Variants in WDR82 observed in about 807,000 individuals in gnomAD.
The protein encoded by WDR82 is WD repeat domain 82.
A neutral mutation model predicts 36.1 loss-of-function variants in WDR82; 8 were observed. The ratio of observed to expected loss-of-function variants is 0.22; its 90% confidence interval spans 0.13 to 0.40. WDR82 has a LOEUF of 0.40. Among genes scored for constraint, WDR82 ranks in the 10% least tolerant of loss-of-function variants. WDR82 has a pLI of 1.00. For missense variants in WDR82, 185 were observed against 400.5 expected (o/e 0.46, Z 4.59); for synonymous variants, 129 against 137.8 (o/e 0.94, Z 0.45).
At chr3:52,268,154 T>C (rs576511378) in intron 2 of WDR82, 2 of 304,658 alleles carry the variant, frequency 6.6e-6, no homozygotes, top group South Asian at 5.3e-5. Flanking sequence ...CTAGTTATTC[T>C]ACTGCTAACA....
chr3:52,259,070 C>T (rs1025386550), intron 7 of WDR82, 127 bp downstream of exon 7: 22 of 1,110,946 alleles, frequency 2.0e-5, no homozygotes, highest in Non-Finnish European at 2.9e-5. Context: ...ATGTCCTTGG[C>T]ATAATGTGCT....
chr3:52,266,929 C>A, intron 3 of WDR82, 23 bp downstream of exon 3: 1 of 1,595,542 alleles, frequency 6.3e-7, no homozygotes, highest in Non-Finnish European at 8.6e-7. Flanking sequence ...GAACTATCTG[C>A]TTCTATAATA....
At chr3:52,260,238 A>G (rs1292532456) in intron 5 of WDR82, 147 bp downstream of exon 5, 4 of 549,034 alleles carry the variant, frequency 7.3e-6, no homozygotes, top group Non-Finnish European at 9.4e-6. Context: ...CTGAGGCAGG[A>G]GAATCACTTG....
chr3:52,273,040 G>A (rs1033286258), intron 1 of WDR82, among the ~76,000 whole-genome samples: 1 of 152,248 alleles, frequency 6.6e-6, no homozygotes, highest in African/African-American at 2.4e-5. Flanking sequence ...CAGTGAGGCA[G>A]TCTCAGTGTG....
intron 1 of WDR82, among the ~76,000 whole-genome samples, chr3:52,272,499 G>A (rs889615547): frequency 6.2e-5 from 9 of 145,544 alleles, no homozygotes; most frequent in South Asian, 4.3e-4. Context: ...AGCTGAGATC[G>A]CGCCACTGCA....
chr3:52,266,827 T>C, intron 3 of WDR82, 125 bp downstream of exon 3: 6 of 771,886 alleles, frequency 7.8e-6, no homozygotes, highest in Non-Finnish European at 1.3e-5. Flanking sequence ...TAAGAGAAGA[T>C]GAAGAATGCC....
At chr3:52,275,819 G>A (rs1233284679) in intron 1 of WDR82, among the ~76,000 whole-genome samples, 1 of 152,180 alleles carries the variant, frequency 6.6e-6, no homozygotes, top group Non-Finnish European at 1.5e-5. Flanking sequence ...AGGAGCCGGA[G>A]GTTGCAGTGA....
intron 3 of WDR82, among the ~76,000 whole-genome samples, chr3:52,265,038 G>A (rs1470723887): frequency 2.0e-5 from 3 of 152,096 alleles, no homozygotes; most frequent in Non-Finnish European, 2.9e-5. Flanking sequence ...TCGGCCAGCC[G>A]GGTGCGGTGG....
chr3:52,259,011 G>T (rs1005033665), intron 7 of WDR82, among the ~76,000 whole-genome samples, 186 bp downstream of exon 7: 1 of 152,228 alleles, frequency 6.6e-6, no homozygotes, highest in South Asian at 2.1e-4. Context: ...GGTAGTGCTT[G>T]TGGAGTTTAA....
At chr3:52,261,558 A>G (rs1669494135) in intron 3 of WDR82, 79 bp from the exon 4 acceptor site, 2 of 1,224,690 alleles carry the variant, frequency 1.6e-6, no homozygotes, top group East Asian at 2.5e-5. Flanking sequence ...CACTCTGCCT[A>G]TCTATACATA....
chr3:52,259,185 A>C lies in WDR82; in HGVS notation c.769+12T>G, dbSNP rs1700038346. 1.2e-6 allele frequency: 2 copies of C among 1,613,416 alleles called. No homozygotes were observed. The highest frequency in any genetic ancestry group is 1.7e-6 in the Non-Finnish European group (2 of 1,179,524). ...GAGAAATAACCCCCACAGGGGATAA[A>C]AGGAAACTCACCAATCATAATAAAC... On this transcript the variant is annotated intron_variant, in intron 7 of 8. Transcript: ENST00000296490.
chr3:52,266,085 G>A (rs1700103719), intron 3 of WDR82, among the ~76,000 whole-genome samples: 1 of 152,184 alleles, frequency 6.6e-6, no homozygotes, highest in African/African-American at 2.4e-5. Flanking sequence ...GCATTGGGGT[G>A]AAGAACAGAG....
chr3:52,258,921 G>A (rs1041780104), intron 7 of WDR82, among the ~76,000 whole-genome samples: 6 of 152,098 alleles, frequency 3.9e-5, no homozygotes, highest in African/African-American at 7.2e-5. Flanking sequence ...AAAAGGGGCC[G>A]AATACCATTA....
Position 52,268,085 on chromosome 3 carries a change from C to G in WDR82, c.260-1067G>C, listed in dbSNP as rs1700122018. ...ATTTGTATATTCCATAACTTGAACA[C>G]TACACAATTTTCCTTGAAAACATCT... is the stretch of plus-strand genomic sequence containing the variant. On this transcript the variant is annotated intron_variant, in intron 2 of 8. Coordinates refer to ENST00000296490, the MANE Select transcript of WDR82 (RefSeq NM_025222.4). The G allele has an allele frequency of 1.0e-5, 3 of 300,824 alleles. No homozygotes were observed. In the Admixed American group the frequency reaches 1.3e-4, roughly 13 times the overall value. 18.6% of individuals were successfully genotyped at this position (300,824 alleles called of 1,614,324 possible). A position where few individuals can be genotyped will look rare whatever the true frequency, so the allele number is the denominator to read the frequency against.
At chr3:52,275,915 T>C (rs1187031014) in intron 1 of WDR82, among the ~76,000 whole-genome samples, 1 of 152,074 alleles carries the variant, frequency 6.6e-6, no homozygotes, top group Admixed American at 6.6e-5. Context: ...TTGAAGTGTT[T>C]AGGGATAAAG....
chr3:52,265,421 A>C (rs1325129443), intron 3 of WDR82, among the ~76,000 whole-genome samples: 2 of 151,706 alleles, frequency 1.3e-5, no homozygotes, highest in African/African-American at 2.4e-5. Flanking sequence ...CAAATAGTAC[A>C]TTTGTGAACA....
rs377579934 is a variant in WDR82 at position 52,257,190 on chromosome 3, C to T, written c.*300G>A. 3 of 440,170 alleles carry T rather than the reference C, an allele frequency of 6.8e-6. No individual in the cohort carries two copies. Among genetic ancestry groups the T allele is most frequent in the Admixed American group, 3.8e-5 (1 of 26,090 alleles). 27.3% of individuals were successfully genotyped at this position (440,170 alleles called of 1,614,324 possible). ...AGCATGTACATTCAAATTGAAGATG[C>T]TTGAGAGCCCCACTATACCAAATCG... On this transcript the variant is annotated 3_prime_UTR_variant, in exon 9 of 9. Transcript: ENST00000296490.
chr3:52,264,672 A>G (rs551007788), intron 3 of WDR82, among the ~76,000 whole-genome samples: 2 of 152,268 alleles, frequency 1.3e-5, no homozygotes, highest in African/African-American at 4.8e-5. Flanking sequence ...GGAAAGGCCA[A>G]TTAAGGAGAT....
At chr3:52,274,731 C>T (rs1700187153) in intron 1 of WDR82, among the ~76,000 whole-genome samples, 1 of 151,840 alleles carries the variant, frequency 6.6e-6, no homozygotes, top group African/African-American at 2.4e-5. Context: ...TGTGAAACCC[C>T]ATTTCTACTA....
Sources: gnomAD v4.1 joint callset for allele counts (sites outside exome capture counted in the v4.1 genomes callset) on GRCh38, gnomAD v4.1.1 for gene constraint, MANE v1.5 for transcripts, NCBI Gene and HGNC (gene_info 2026-07-23, HGNC 2026-07-21) for gene names.